BEND7: variants seen among roughly 807,000 people sequenced by gnomAD.
BEND7 encodes the protein BEN domain containing 7.
Under a neutral mutation model 50.9 loss-of-function variants are expected in BEND7, and 28 were observed. The ratio of observed to expected loss-of-function variants is 0.55; its 90% CI spans 0.41 to 0.75. The LOEUF (loss-of-function observed/expected upper bound fraction) is 0.75, where lower values mean the gene tolerates loss of function less well. Ranked by LOEUF, BEND7 falls within the 30% of genes least tolerant of loss-of-function variation. BEND7 has a pLI of 0.00. For missense variants in BEND7, 477 were observed against 491.3 expected (o/e 0.97, Z 0.28); for synonymous variants, 170 against 183.9 (o/e 0.92, Z 0.61).
At chr10:13,489,515 G>A (rs1274916708) in intron 5 of BEND7, among the ~76,000 whole-genome samples, 3 of 152,002 alleles carry the variant, frequency 2.0e-5, no homozygotes, top group South Asian at 2.1e-4. Context: ...CGTAGAAAGC[G>A]GATAAGAAGA....
At chr10:13,445,027 C>T (rs2095983) in intron 8 of BEND7, 110,991 of 151,948 alleles carry the variant, frequency 0.73, 41,152 homozygotes, top group East Asian at 0.88. Context: ...ACCGTGTTAG[C>T]CAGGATGGTC....
At chr10:13,473,002 G>A (rs537563278) in intron 6 of BEND7, among the ~76,000 whole-genome samples, 1 of 151,960 alleles carries the variant, frequency 6.6e-6, no homozygotes, top group African/African-American at 2.4e-5. Flanking sequence ...ACTCGTCATC[G>A]CTGTTACACT....
Position 13,452,637 on chromosome 10 carries a change from G to T in BEND7, c.1085C>A (p.Thr362Lys), listed in dbSNP as rs762817498. 9.3e-6 allele frequency: 15 copies of T among 1,606,276 alleles called. No homozygotes were observed. The highest frequency in any genetic ancestry group is 1.2e-5 in the Non-Finnish European group (14 of 1,176,468). ...AIKVFTEKYC[T>K]ANHVDKLPGP... ...AGGAAGCTTATCCACATGGTTAGCTGTACAGTACTTTTCTGTGAAGACTGA... is the reference window on the plus strand; with the variant it reads ...AGGAAGCTTATCCACATGGTTAGCTTTACAGTACTTTTCTGTGAAGACTGA... The change falls in exon 7 of 9, where the codon ACA (threonine) becomes AAA (lysine). Residue 362 changes from threonine (T) to lysine (K), a missense_variant. By Grantham distance (78) the Thr-to-Lys change is moderately conservative (BLOSUM62 -1). This residue lies in a region of BEND7 where 64 missense variants were observed against 68.5 expected (regional missense o/e 0.93). Coordinates refer to ENST00000466271, the MANE Select transcript of BEND7 (RefSeq NM_001369863.1).
chr10:13,456,927 C>A (rs1314864168), intron 6 of BEND7, among the ~76,000 whole-genome samples: 3 of 152,056 alleles, frequency 2.0e-5, no homozygotes, highest in Admixed American at 6.6e-5. Flanking sequence ...CTTCAAATAC[C>A]CACAAGAACA....
At chr10:13,460,030 G>A (rs1839894821) in intron 6 of BEND7, 1 of 152,270 alleles carries the variant, frequency 6.6e-6, no homozygotes, top group African/African-American at 2.4e-5. Flanking sequence ...TGTGTCGAGT[G>A]ATGAGCCGGG....
intron 6 of BEND7, among the ~76,000 whole-genome samples, chr10:13,469,071 G>T (rs1361867647): frequency 6.6e-6 from 1 of 152,170 alleles, no homozygotes; most frequent in Non-Finnish European, 1.5e-5. Context: ...TGGCTAAGTG[G>T]ATTCAAAATG....
At chr10:13,516,736 A>G (rs1182031715) in intron 2 of BEND7, among the ~76,000 whole-genome samples, 1 of 152,182 alleles carries the variant, frequency 6.6e-6, no homozygotes, top group Non-Finnish European at 1.5e-5. Flanking sequence ...AAGGAAAAAA[A>G]AATTATTTAA....
Position 13,459,221 on chromosome 10 carries a change from T to G in BEND7, c.1064-6563A>C, listed in dbSNP as rs1839697368. 2.0e-5 allele frequency among the ~76,000 whole-genome samples: 3 copies of G among 152,062 alleles called. No homozygotes were observed. In the South Asian group the frequency reaches 6.2e-4, roughly 32 times the overall value. ...ACAAAATAGAAGCATGGTGGCCAACTGGGGAGAGGAACAGGGCAGGGGCTG... is the reference window on the plus strand; with the variant it reads ...ACAAAATAGAAGCATGGTGGCCAACGGGGGAGAGGAACAGGGCAGGGGCTG... On this transcript the variant is annotated intron_variant, in intron 6 of 8. Coordinates refer to ENST00000466271, the MANE Select transcript of BEND7 (RefSeq NM_001369863.1).
In BEND7 at chr10:13,528,598, CAGCG is replaced by C. The variant is rs2079569730; in HGVS notation, c.-69_-66del. ...GCAGCGGCGGCAGCGGCAGCGGCGG[CAGCG>C]GCAGCGGCGGCGCGGGCTCGTGTCA... On this transcript the variant is annotated 5_prime_UTR_variant, in exon 1 of 9. Transcript: ENST00000466271. 8 of 828,012 alleles carry C rather than the reference CAGCG, an allele frequency of 9.7e-6. No homozygotes were observed. The highest frequency in any genetic ancestry group is 1.2e-4 in the South Asian group (2 of 16,528). 51.3% of individuals were successfully genotyped at this position (828,012 alleles called of 1,614,324 possible).
At chr10:13,508,296 TGGAACA>T (rs1228682496) in intron 2 of BEND7, among the ~76,000 whole-genome samples, 2 of 152,332 alleles carry the variant, frequency 1.3e-5, no homozygotes, top group East Asian at 1.9e-4. Context: ...CATCAGTCTA[TGGAACA>T]GGGTGGTGGT....
chr10:13,513,160 T>A (rs1377758942), intron 2 of BEND7, among the ~76,000 whole-genome samples: 1 of 152,246 alleles, frequency 6.6e-6, no homozygotes, highest in Non-Finnish European at 1.5e-5. Context: ...ACTGTTGTAG[T>A]GTCGGTGACA....
chr10:13,493,028 G>T, intron 4 of BEND7, 152 bp from the exon 5 acceptor site: 8 of 962,260 alleles, frequency 8.3e-6, no homozygotes, highest in Non-Finnish European at 1.2e-5. Flanking sequence ...TGGACCTAAA[G>T]GTTACCAAAC....
At chr10:13,517,568 C>T (rs2132595884) in intron 2 of BEND7, among the ~76,000 whole-genome samples, 1 of 152,200 alleles carries the variant, frequency 6.6e-6, no homozygotes, top group Middle Eastern at 3.4e-3. Context: ...GCTGGGGCAA[C>T]AGAGGGAGAC....
At chr10:13,458,462 C>A (rs1839517336) in intron 6 of BEND7, among the ~76,000 whole-genome samples, 3 of 152,210 alleles carry the variant, frequency 2.0e-5, no homozygotes, top group Admixed American at 2.0e-4. Flanking sequence ...GAAAGGAAGT[C>A]ACTGTGTCTA....
intron 5 of BEND7, among the ~76,000 whole-genome samples, chr10:13,486,751 T>C (rs1349822694): frequency 6.6e-6 from 1 of 152,268 alleles, no homozygotes; most frequent in Non-Finnish European, 1.5e-5. Flanking sequence ...CTTGAAATTT[T>C]CTCCGTGTAC....
At chr10:13,507,687 T>C (rs997618755) in intron 2 of BEND7, among the ~76,000 whole-genome samples, 73 of 152,132 alleles carry the variant, frequency 4.8e-4, no homozygotes, top group Non-Finnish European at 2.6e-4. Context: ...AGGCCACAGA[T>C]GATCTTAAAG....
intron 2 of BEND7, among the ~76,000 whole-genome samples, chr10:13,522,475 C>T (rs2079148001): frequency 6.6e-6 from 1 of 152,166 alleles, no homozygotes; most frequent in Non-Finnish European, 1.5e-5. Flanking sequence ...ATTATATCTG[C>T]CCTGACTACC....
intron 2 of BEND7, chr10:13,500,914 G>A: frequency 1.2e-6 from 1 of 863,738 alleles, no homozygotes; most frequent in Non-Finnish European, 1.4e-6. Context: ...CAGCGTAACT[G>A]TGTGCGAAAG....
At chr10:13,496,669 A>G (rs1158593163) in intron 4 of BEND7, 97 bp downstream of exon 4, 5 of 1,385,418 alleles carry the variant, frequency 3.6e-6, no homozygotes, top group Non-Finnish European at 3.9e-6. Context: ...GCAAGGTGAG[A>G]AGAAGGCTTT....
Sources: gnomAD v4.1 joint callset for allele counts (sites outside exome capture counted in the v4.1 genomes callset) on GRCh38, gnomAD v4.1.1 for gene constraint, gnomAD v4.1.1 regional missense constraint, MANE v1.5 for transcripts, NCBI Gene and HGNC (gene_info 2026-07-23, HGNC 2026-07-21) for gene names.